SYCE2: variants seen among roughly 807,000 people sequenced by gnomAD.
SYCE2 encodes central element synaptonemal complex 1.
In SYCE2, 3 loss-of-function variants were observed where a neutral mutation model predicts 27.9. The observed-to-expected ratio is 0.11, with a 90% CI of 0.05 to 0.28. The LOEUF (loss-of-function observed/expected upper bound fraction) is 0.28. Among genes scored for constraint, SYCE2 ranks in the 10% least tolerant of loss-of-function variants. SYCE2 has a pLI of 1.00. For missense variants in SYCE2, 207 were observed against 263.5 expected (o/e 0.79, Z 1.48); for synonymous variants, 85 against 100.7 (o/e 0.84, Z 0.93).
intron 2 of SYCE2, among the ~76,000 whole-genome samples, chr19:12,914,666 A>G (rs546456306): frequency 2.0e-5 from 3 of 152,274 alleles, no homozygotes; most frequent in African/African-American, 4.8e-5. Context: ...CTGGAGTGCA[A>G]TGGTGCAATC....
intron 4 of SYCE2, 58 bp from the exon 5 acceptor site, chr19:12,900,178 G>C: frequency 1.3e-6 from 2 of 1,555,452 alleles, no homozygotes; most frequent in South Asian, 2.4e-5. Context: ...GTGGGCAGAG[G>C]GGATGATTTC....
chr19:12,905,401 G>C lies in SYCE2; in HGVS notation c.132-735C>G, dbSNP rs534928577. Among the ~76,000 whole-genome samples the C allele has an allele frequency of 6.9e-5, 10 of 144,358 alleles. No homozygotes were observed. In the East Asian group the frequency reaches 2.1e-3, roughly 31 times the overall value. The allele number at this position is 144,358 out of a possible 152,430, so 94.7% of individuals were successfully genotyped here. On this transcript the variant is annotated intron_variant, in intron 2 of 5. Transcript: ENST00000293695. Reference sequence around the variant, plus strand: ...GGCTGGAGTGCAGTGGCGCGATCTCGGCTCACTGCAAGCTCCACCTCCCGG... The same window carrying C: ...GGCTGGAGTGCAGTGGCGCGATCTCCGCTCACTGCAAGCTCCACCTCCCGG...
chr19:12,905,677 T>C (rs994052059), intron 2 of SYCE2, among the ~76,000 whole-genome samples: 2 of 143,990 alleles, frequency 1.4e-5, no homozygotes, highest in African/African-American at 5.2e-5. Flanking sequence ...GACAGGTCTT[T>C]CTCTGTTGCC....
chr19:12,915,208 G>A (rs1203261643), intron 2 of SYCE2, among the ~76,000 whole-genome samples: 1 of 152,192 alleles, frequency 6.6e-6, no homozygotes, highest in Non-Finnish European at 1.5e-5. Context: ...CATTTTGGGA[G>A]GCCACTGTAT....
At position 12,899,471 on chromosome 19, in the gene SYCE2, C is replaced by T. The variant is rs121434368; in HGVS notation, c.613-86G>A. 6.2e-7 allele frequency: 1 copy of T among 1,614,150 alleles called. No homozygotes were observed. Among genetic ancestry groups the T allele is most frequent in the Non-Finnish European group, 8.5e-7 (1 of 1,180,010 alleles). ...ACTCTGTATTAATCTTGTCCAGGTACACATGACATTCACGCCCTGATCCTT... is the reference window on the plus strand; with the variant it reads ...ACTCTGTATTAATCTTGTCCAGGTATACATGACATTCACGCCCTGATCCTT... On this transcript the variant is annotated intron_variant, in intron 5 of 5. Transcript: ENST00000293695.
chr19:12,908,218 C>G (rs950436226), intron 2 of SYCE2, among the ~76,000 whole-genome samples: 1 of 151,772 alleles, frequency 6.6e-6, no homozygotes, highest in African/African-American at 2.4e-5. Context: ...CCGGCCACCT[C>G]CCTCTTTCCT....
At chr19:12,902,937 G>C (rs1227800852) in intron 3 of SYCE2, among the ~76,000 whole-genome samples, 1 of 148,718 alleles carries the variant, frequency 6.7e-6, no homozygotes, top group African/African-American at 2.5e-5. Flanking sequence ...TTATAGGCAC[G>C]TGCTACCATG....
At chr19:12,902,956 ATT>A (rs567482027) in intron 3 of SYCE2, among the ~76,000 whole-genome samples, 1 of 123,780 alleles carries the variant, frequency 8.1e-6, no homozygotes. Flanking sequence ...TGCCTGGCTA[ATT>A]TTTTTTTTTT....
At chr19:12,907,374 T>C (rs1417478942) in intron 2 of SYCE2, among the ~76,000 whole-genome samples, 1 of 152,208 alleles carries the variant, frequency 6.6e-6, no homozygotes, top group Non-Finnish European at 1.5e-5. Flanking sequence ...GGATCTTACA[T>C]TTCCTCGTCG....
intron 2 of SYCE2, 160 bp from the exon 3 acceptor site, chr19:12,904,826 C>T (rs776454522): frequency 7.6e-5 from 58 of 764,050 alleles, no homozygotes; most frequent in Middle Eastern, 4.0e-4. Flanking sequence ...GGTGAAACCT[C>T]GTCTCTAGTA....
At chr19:12,905,886 G>T (rs955335933) in intron 2 of SYCE2, among the ~76,000 whole-genome samples, 2 of 152,150 alleles carry the variant, frequency 1.3e-5, no homozygotes, top group Non-Finnish European at 2.9e-5. Context: ...AAAATGTTGG[G>T]ATTACAGGCA....
chr19:12,899,777 G>C (rs1382965812), intron 5 of SYCE2: 1 of 1,603,048 alleles, frequency 6.2e-7, no homozygotes, highest in South Asian at 1.1e-5. Context: ...ATGGATGAGA[G>C]CAGACTCCAT....
chr19:12,904,705 CAG>C (rs1970901328), intron 2 of SYCE2, 39 bp from the exon 3 acceptor site: 1 of 1,610,024 alleles, frequency 6.2e-7, no homozygotes. Flanking sequence ...CCTGACTTCT[CAG>C]AGTACAGGAA....
At position 12,918,247 on chromosome 19, in the gene SYCE2, C is replaced by T. The variant is rs767275402; in HGVS notation, c.106G>A (p.Glu36Lys). ...CTAGCTGGCCCTCCACCAGCTTCCT[C>T]CTCGCAGTTCTCTTCCCACCGCGGA... ...EHPRWEENCE[E>K]EAGGGPASAS... The change falls in exon 2 of 6, where the codon GAG becomes AAG. Residue 36 changes from glutamate (E) to lysine (K), a missense_variant. Physicochemically the swap from Glu to Lys is moderately conservative, Grantham distance 56. Coordinates refer to ENST00000293695, the MANE Select transcript of SYCE2 (RefSeq NM_001105578.2). The T allele has an allele frequency of 2.5e-6, 4 of 1,614,216 alleles. No individual in the cohort carries two copies. In the South Asian group the frequency reaches 4.4e-5, roughly 18 times the overall value.
Position 12,900,564 on chromosome 19 carries a change from C to T in SYCE2, c.391G>A (p.Glu131Lys). ...ATCTTTGCCATTTTCTGGGTGAACT[C>T]TTGGAGCTTTTCCTGGATGATCTTG... ...HNKIIQEKLQ[E>K]FTQKMAKISH... The change falls in exon 4 of 6, where the codon GAG (glutamate) becomes AAG (lysine). Residue 131 changes from glutamate to lysine, a missense_variant. Glu to Lys is a moderately conservative substitution (Grantham distance 56). Coordinates refer to ENST00000293695, the MANE Select transcript of SYCE2 (RefSeq NM_001105578.2). 6.2e-7 allele frequency: 1 copy of T among 1,614,148 alleles called. No homozygotes were observed. Among genetic ancestry groups the T allele is most frequent in the Non-Finnish European group, 8.5e-7 (1 of 1,180,038 alleles).
Position 12,898,975 on chromosome 19 carries a change from G to A in SYCE2, c.*366C>T, listed in dbSNP as rs149120550. ...AGCTGAGGCAAGTGACTGCTCTTCCGATGTGCTGTCCCTCCTATCCCTCCC... is the reference window on the plus strand; with the variant it reads ...AGCTGAGGCAAGTGACTGCTCTTCCAATGTGCTGTCCCTCCTATCCCTCCC... On this transcript the variant is annotated 3_prime_UTR_variant, in exon 6 of 6. Transcript: ENST00000293695. The A allele has an allele frequency of 6.8e-3, 2,058 of 304,194 alleles. 19 individuals are homozygous for A. The highest frequency in any genetic ancestry group is 0.034 in the Middle Eastern group (29 of 846). 18.8% of individuals were successfully genotyped at this position (304,194 alleles called of 1,614,324 possible).
At chr19:12,910,599 C>T (rs953918771) in intron 2 of SYCE2, among the ~76,000 whole-genome samples, 2 of 151,992 alleles carry the variant, frequency 1.3e-5, no homozygotes, top group African/African-American at 4.8e-5. Context: ...TCTCAAACTC[C>T]TGACCTCAAG....
intron 3 of SYCE2, 100 bp downstream of exon 3, chr19:12,904,392 G>T: frequency 7.1e-7 from 1 of 1,401,394 alleles, no homozygotes; most frequent in Non-Finnish European, 9.9e-7. Context: ...GTGTGTGAAT[G>T]GCCTAGCACC....
chr19:12,918,496 C>G (rs1421449349), intron 1 of SYCE2, among the ~76,000 whole-genome samples, 159 bp from the exon 2 acceptor site: 1 of 152,074 alleles, frequency 6.6e-6, no homozygotes, highest in Non-Finnish European at 1.5e-5. Flanking sequence ...GCCATGAGGG[C>G]AGGGGCATGG....
Sources: gnomAD v4.1 joint callset for allele counts (sites outside exome capture counted in the v4.1 genomes callset) on GRCh38, gnomAD v4.1.1 for gene constraint, MANE v1.5 for transcripts, NCBI Gene and HGNC (gene_info 2026-07-23, HGNC 2026-07-21) for gene names.